DEGS2: variants seen among roughly 807,000 people sequenced by gnomAD.
DEGS2 encodes delta 4-desaturase, sphingolipid 2, also known as sphingolipid delta(4)-desaturase/C4-monooxygenase DES2.
Under a neutral mutation model 23.8 loss-of-function variants are expected in DEGS2, and 19 were observed. That is an observed-to-expected ratio of 0.80 (90% CI 0.56 to 1.17). The LOEUF (loss-of-function observed/expected upper bound fraction) is 1.17. Ranked by LOEUF, DEGS2 falls within the 50% of genes most tolerant of loss-of-function variation. DEGS2 has a pLI of 0.00. For missense variants in DEGS2, 390 were observed against 459.5 expected (o/e 0.85, Z 1.38); for synonymous variants, 218 against 213.7 (o/e 1.02, Z -0.18).
chr14:100,147,413 C>T (rs1342382945), intron 2 of DEGS2, among the ~76,000 whole-genome samples: 1 of 152,194 alleles, frequency 6.6e-6, no homozygotes, highest in African/African-American at 2.4e-5. Context: ...CAGTGTCACA[C>T]CCATGCATCT....
In DEGS2 at chr14:100,146,033, T is replaced by G. The variant is rs1889438971; in HGVS notation, c.*728A>C. The G allele has an allele frequency of 6.6e-6, 1 of 152,106 alleles. No individual in the cohort carries two copies. The highest frequency in any genetic ancestry group is 2.1e-4 in the South Asian group (1 of 4,816). 9.4% of individuals were successfully genotyped at this position (152,106 alleles called of 1,614,324 possible). A position where few individuals can be genotyped will look rare whatever the true frequency, so the allele number is the denominator to read the frequency against. On this transcript the variant is annotated 3_prime_UTR_variant, in exon 3 of 3. Transcript: ENST00000305631. ...GGGAGGGCATACAGAGAGCAGGAGG[T>G]GAGCAGGCCCAAGGGGTGGGGGCAA...
intron 1 of DEGS2, among the ~76,000 whole-genome samples, chr14:100,150,763 T>A (rs1889557470): frequency 6.6e-6 from 1 of 151,962 alleles, no homozygotes; most frequent in Admixed American, 6.6e-5. Context: ...CCTCAGCACC[T>A]CCTAGGACTC....
intron 1 of DEGS2, among the ~76,000 whole-genome samples, chr14:100,151,914 G>A (rs1158508189): frequency 6.6e-6 from 1 of 152,190 alleles, no homozygotes; most frequent in African/African-American, 2.4e-5. Context: ...GGTCCCTGGG[G>A]GAGTGGGAGT....
chr14:100,166,157 C>A, the DEGS2 span, among the ~76,000 whole-genome samples: 1 of 55,118 alleles, frequency 1.8e-5, no homozygotes, highest in African/African-American at 6.2e-5. Flanking sequence ...TGGGGGGAGC[C>A]TGTCTGGGGG....
In DEGS2 at chr14:100,144,848, G is replaced by T. The variant is rs1048463106; in HGVS notation, c.*1913C>A. 2 of 152,268 alleles carry T rather than the reference G, an allele frequency of 1.3e-5. No individual in the cohort carries two copies. Among genetic ancestry groups the T allele is most frequent in the Non-Finnish European group, 2.9e-5 (2 of 68,056 alleles). The allele number at this position is 152,268 out of a possible 1,614,324, so 9.4% of individuals were successfully genotyped here. On this transcript the variant is annotated 3_prime_UTR_variant, in exon 3 of 3. Coordinates refer to ENST00000305631, the MANE Select transcript of DEGS2 (RefSeq NM_206918.3). ...GCAGCCCCCAAGGGCCATGGCAGGG[G>T]AGGGAGCCGGCACTGCCTGCTGGGA...
chr14:100,164,462 C>T (rs528144275), upstream of DEGS2, among the ~76,000 whole-genome samples: 4 of 152,018 alleles, frequency 2.6e-5, no homozygotes, highest in Non-Finnish European at 5.9e-5. Flanking sequence ...ATGCTGCAAC[C>T]CCGTCTCTAC....
chr14:100,149,870 C>T (rs1481338383), intron 1 of DEGS2, among the ~76,000 whole-genome samples, 160 bp from the exon 2 acceptor site: 1 of 152,260 alleles, frequency 6.6e-6, no homozygotes. Context: ...CTCGAGGGCC[C>T]GCTGGCCCCC....
At chr14:100,152,617 T>G (rs1247895030) in intron 1 of DEGS2, among the ~76,000 whole-genome samples, 5 of 152,112 alleles carry the variant, frequency 3.3e-5, no homozygotes, top group African/African-American at 4.8e-5. Flanking sequence ...AACACACACT[T>G]CTCTAGTCCT....
At position 100,151,629 on chromosome 14, in the gene DEGS2, G is replaced by T. The variant is rs1017178869; in HGVS notation, c.83-1919C>A. On this transcript the variant is annotated intron_variant, in intron 1 of 2. Coordinates refer to ENST00000305631, the MANE Select transcript of DEGS2 (RefSeq NM_206918.3). ...TGAGGCCCAGAGAAGCTTTGCTGGAGCAGGAGCTCCATGACAGTTCTGAAA... is the reference window on the plus strand; with the variant it reads ...TGAGGCCCAGAGAAGCTTTGCTGGATCAGGAGCTCCATGACAGTTCTGAAA... Among the ~76,000 whole-genome samples the T allele has an allele frequency of 2.0e-5, 3 of 152,238 alleles. 1 individual carries two copies. The highest frequency in any genetic ancestry group is 2.0e-4 in the Admixed American group (3 of 15,282).
chr14:100,149,569 G>T lies in DEGS2; in HGVS notation c.224C>A (p.Ala75Asp). 9 of 1,608,480 alleles carry T rather than the reference G, an allele frequency of 5.6e-6. No individual in the cohort carries two copies. Among genetic ancestry groups the T allele is most frequent in the Non-Finnish European group, 7.6e-6 (9 of 1,178,770 alleles). ...AWRWLLFWAY[A>D]FGGCVNHSLT... ...CGAGTGGTTCACGCAGCCACCAAAG[G>T]CGTAGGCCCAGAACAGCAGCCAGCG... is the stretch of plus-strand genomic sequence containing the variant. The change falls in exon 2 of 3, where the codon GCC becomes GAC. Residue 75 changes from alanine (A) to aspartate (D), a missense_variant. Ala to Asp is a moderately radical substitution (Grantham distance 126, BLOSUM62 -2). Transcript: ENST00000305631.
At chr14:100,161,105 G>T (rs2140427877), upstream of DEGS2, among the ~76,000 whole-genome samples, 1 of 152,350 alleles carries the variant, frequency 6.6e-6, no homozygotes, top group East Asian at 1.9e-4. Context: ...GGAATTAACA[G>T]CAAGGCTGGG....
rs766974010 is a variant in DEGS2, at chr14:100,145,292, T to G, written c.*1469A>C. The G allele has an allele frequency of 2.6e-5, 4 of 152,118 alleles. No individual in the cohort carries two copies. The highest frequency in any genetic ancestry group is 4.4e-5 in the Non-Finnish European group (3 of 68,018). 9.4% of individuals were successfully genotyped at this position (152,118 alleles called of 1,614,324 possible). ...AGCAGGAGGAGCGGGTGCTCTGGGT[T>G]CCCCTCAGCCTGTGGGCGGGCCTGT... On this transcript the variant is annotated 3_prime_UTR_variant, in exon 3 of 3. Coordinates refer to ENST00000305631, the MANE Select transcript of DEGS2 (RefSeq NM_206918.3).
chr14:100,146,188 T>G lies in DEGS2; in HGVS notation c.*573A>C, dbSNP rs1889441643. The G allele has an allele frequency of 6.6e-6, 1 of 152,492 alleles. No individual in the cohort carries two copies. The highest frequency in any genetic ancestry group is 1.5e-5 in the Non-Finnish European group (1 of 68,230). The allele number at this position is 152,492 out of a possible 1,614,324, so 9.4% of individuals were successfully genotyped here. A position where few individuals can be genotyped will look rare whatever the true frequency, so the allele number is the denominator to read the frequency against. ...ACACAGATGACCAAAGTGAGCTTTC[T>G]GCTGTCCACACCTCAGTGTGTGTGC... is the stretch of plus-strand genomic sequence containing the variant. On this transcript the variant is annotated 3_prime_UTR_variant, in exon 3 of 3. Coordinates refer to ENST00000305631, the MANE Select transcript of DEGS2 (RefSeq NM_206918.3).
intron 1 of DEGS2, among the ~76,000 whole-genome samples, chr14:100,152,922 G>C (rs912630593): frequency 1.3e-5 from 2 of 150,754 alleles, no homozygotes; most frequent in African/African-American, 4.8e-5. Context: ...GGAAGGGAGG[G>C]AGGGAGGGAA....
chr14:100,147,022 A>G (rs1889460322), intron 2 of DEGS2, 115 bp from the exon 3 acceptor site: 17 of 1,287,108 alleles, frequency 1.3e-5, no homozygotes, highest in Non-Finnish European at 1.8e-5. Flanking sequence ...TTCATGTACG[A>G]ACATGTTTGC....
chr14:100,163,246 G>T (rs1195336073), upstream of DEGS2, among the ~76,000 whole-genome samples: 1 of 152,086 alleles, frequency 6.6e-6, no homozygotes, highest in Non-Finnish European at 1.5e-5. Context: ...CTTGAAACCA[G>T]CCTGGCCAAC....
chr14:100,150,987 C>T (rs1889561993), intron 1 of DEGS2, among the ~76,000 whole-genome samples: 1 of 152,216 alleles, frequency 6.6e-6, no homozygotes, highest in Non-Finnish European at 1.5e-5. Flanking sequence ...ATCCAACAGG[C>T]ATGCCCCTAA....
intron 1 of DEGS2, among the ~76,000 whole-genome samples, chr14:100,153,978 C>T (rs1313869170): frequency 6.6e-6 from 1 of 152,200 alleles, no homozygotes; most frequent in Non-Finnish European, 1.5e-5. Flanking sequence ...GACTCCAGGC[C>T]TGCACAATGG....
intron 2 of DEGS2, among the ~76,000 whole-genome samples, chr14:100,147,862 GGC>G (rs1466183613): frequency 6.6e-6 from 1 of 151,996 alleles, no homozygotes; most frequent in African/African-American, 2.4e-5. Flanking sequence ...CATCTCCTGA[GGC>G]GGGCACCTCT....
Sources: gnomAD v4.1 joint callset for allele counts (sites outside exome capture counted in the v4.1 genomes callset) on GRCh38, gnomAD v4.1.1 for gene constraint, MANE v1.5 for transcripts, NCBI Gene and HGNC (gene_info 2026-07-23, HGNC 2026-07-21) for gene names.